Variants in MGAT4C observed in about 807,000 individuals in gnomAD.
MGAT4C encodes the protein alpha-1,3-mannosyl-glycoprotein 4-beta-N-acetylglucosaminyltransferase C.
Under a neutral mutation model 40.1 loss-of-function variants are expected in MGAT4C, and 19 were observed. The ratio of observed to expected loss-of-function variants is 0.47; its 90% CI spans 0.33 to 0.70. The LOEUF (loss-of-function observed/expected upper bound fraction) is 0.70, where lower values mean the gene tolerates loss of function less well. Among genes scored for constraint, MGAT4C ranks in the 30% least tolerant of loss-of-function variants. The pLI, the probability that MGAT4C is intolerant of heterozygous loss-of-function variation, is 0.02. For missense variants in MGAT4C, 491 were observed against 563.2 expected, an observed-to-expected ratio of 0.87 and a Z score of 1.30; for synonymous variants, 181 against 187.1, an observed-to-expected ratio of 0.97 and a Z score of 0.27.
intron 1 of MGAT4C, among the ~76,000 whole-genome samples, chr12:86,809,562 A>T (rs992912771): frequency 2.4e-4 from 36 of 151,648 alleles, no homozygotes; most frequent in Non-Finnish European, 4.3e-4. Flanking sequence ...TATTTTTTAA[A>T]AAAAAATTTA....
At chr12:86,147,534 C>T (rs1883712334) in intron 1 of MGAT4C, among the ~76,000 whole-genome samples, 1 of 152,232 alleles carries the variant, frequency 6.6e-6, no homozygotes, top group Non-Finnish European at 1.5e-5. Context: ...AGCCACCGTG[C>T]CTGGCCTATT....
intron 2 of MGAT4C, among the ~76,000 whole-genome samples, chr12:86,611,388 ATAGGTAGG>A (rs150541086): frequency 1.6e-4 from 23 of 148,222 alleles, no homozygotes; most frequent in South Asian, 8.6e-4. Flanking sequence ...GGTCCCATAG[ATAGGTAGG>A]TAGGTAGGTA....
At chr12:86,808,479 A>G (rs1288632094) in intron 1 of MGAT4C, among the ~76,000 whole-genome samples, 7 of 152,052 alleles carry the variant, frequency 4.6e-5, no homozygotes, top group Non-Finnish European at 1.0e-4. Context: ...TTCAATATAC[A>G]CAAATCAATA....
At chr12:86,424,814 T>A (rs975475055) in intron 3 of MGAT4C, among the ~76,000 whole-genome samples, 17 of 152,182 alleles carry the variant, frequency 1.1e-4, no homozygotes, top group African/African-American at 4.1e-4. Context: ...TGGAGTGCAG[T>A]GGTAGGACCC....
intron 3 of MGAT4C, among the ~76,000 whole-genome samples, chr12:86,337,866 T>A (rs968013728): frequency 6.6e-6 from 1 of 152,196 alleles, no homozygotes; most frequent in Non-Finnish European, 1.5e-5. Flanking sequence ...TGAACTATGT[T>A]GTAGAAGTCT....
intron 2 of MGAT4C, among the ~76,000 whole-genome samples, chr12:86,558,520 A>G (rs1452930861): frequency 2.6e-5 from 4 of 152,134 alleles, no homozygotes; most frequent in African/African-American, 4.8e-5. Flanking sequence ...ACTAAATGTC[A>G]GCCAAGCATA....
chr12:86,539,134 C>A (rs1348520825), intron 2 of MGAT4C, among the ~76,000 whole-genome samples: 3 of 151,910 alleles, frequency 2.0e-5, no homozygotes, highest in Non-Finnish European at 4.4e-5. Context: ...ATTAACTCAT[C>A]ATTTACATTA....
At chr12:86,650,054 G>A (rs571670592) in intron 2 of MGAT4C, among the ~76,000 whole-genome samples, 1 of 151,976 alleles carries the variant, frequency 6.6e-6, no homozygotes, top group African/African-American at 2.4e-5. Flanking sequence ...ATTAAGTCAT[G>A]CTTTTGGAGT....
intron 2 of MGAT4C, among the ~76,000 whole-genome samples, chr12:86,441,040 CCAAAG>C (rs1223992123): frequency 6.6e-6 from 1 of 152,008 alleles, no homozygotes; most frequent in Non-Finnish European, 1.5e-5. Context: ...ATCATACTGC[CCAAAG>C]CAATCTACAG....
At chr12:86,557,350 G>T (rs867996823) in intron 2 of MGAT4C, among the ~76,000 whole-genome samples, 1 of 152,094 alleles carries the variant, frequency 6.6e-6, no homozygotes, top group Non-Finnish European at 1.5e-5. Flanking sequence ...TGTACAAGTC[G>T]CTTGGGGTCC....
intron 2 of MGAT4C, among the ~76,000 whole-genome samples, chr12:85,996,588 T>C (rs1886645773): frequency 6.6e-6 from 1 of 152,100 alleles, no homozygotes. Flanking sequence ...AATGAGTTAA[T>C]AATAAAAGAA....
At chr12:86,748,994 AC>A (rs1951195367) in intron 1 of MGAT4C, among the ~76,000 whole-genome samples, 1 of 150,486 alleles carries the variant, frequency 6.6e-6, no homozygotes, top group Non-Finnish European at 1.5e-5. Flanking sequence ...AGTAGCTGAC[AC>A]ATTGTTTTCT....
chr12:86,482,001 T>G (rs773882561), intron 2 of MGAT4C, among the ~76,000 whole-genome samples: 2 of 151,282 alleles, frequency 1.3e-5, no homozygotes, highest in Non-Finnish European at 2.9e-5. Flanking sequence ...ATATCCCTGA[T>G]AGTGACAATT....
intron 4 of MGAT4C, among the ~76,000 whole-genome samples, chr12:86,294,463 C>T (rs1449700764): frequency 1.3e-5 from 2 of 152,088 alleles, no homozygotes; most frequent in Non-Finnish European, 1.5e-5. Flanking sequence ...CATGCCTCTT[C>T]GATTGCGCTT....
At chr12:86,049,091 G>T (rs1446703221) in intron 2 of MGAT4C, among the ~76,000 whole-genome samples, 3 of 151,854 alleles carry the variant, frequency 2.0e-5, no homozygotes, top group Non-Finnish European at 4.4e-5. Flanking sequence ...AAGAAATGGT[G>T]GGAAAAAGTA....
intron 2 of MGAT4C, among the ~76,000 whole-genome samples, chr12:86,493,589 T>A (rs1381642515): frequency 6.6e-6 from 1 of 151,366 alleles, no homozygotes; most frequent in Non-Finnish European, 1.5e-5. Flanking sequence ...TAGGTGGGAA[T>A]TGAACAATGA....
intron 1 of MGAT4C, among the ~76,000 whole-genome samples, chr12:86,816,246 T>A (rs1416596515): frequency 6.6e-6 from 1 of 151,870 alleles, no homozygotes; most frequent in Non-Finnish European, 1.5e-5. Flanking sequence ...ACAAGGAATA[T>A]ATTTTTATGT....
chr12:86,562,641 T>C (rs182878719), intron 2 of MGAT4C, among the ~76,000 whole-genome samples: 1 of 152,082 alleles, frequency 6.6e-6, no homozygotes. Flanking sequence ...CTCTGTTTGC[T>C]TCTAGACCTA....
chr12:86,820,722 G>T (rs1952690684), intron 1 of MGAT4C, among the ~76,000 whole-genome samples: 1 of 150,836 alleles, frequency 6.6e-6, no homozygotes, highest in Non-Finnish European at 1.5e-5. Flanking sequence ...ATGAAAGAGA[G>T]ATACAATATC....
Sources: allele counts gnomAD v4.1 joint callset (sites outside exome capture counted in the v4.1 genomes callset), GRCh38; gene constraint gnomAD v4.1.1; transcripts MANE v1.5; gene names NCBI Gene and HGNC (gene_info 2026-07-23, HGNC 2026-07-21).